Variants in ULK4 observed in about 807,000 individuals in gnomAD.
ULK4 encodes unc-51 like kinase 4.
Under a neutral mutation model 160.6 loss-of-function variants are expected in ULK4, and 133 were observed. That is an observed-to-expected ratio of 0.83 (90% CI 0.72 to 0.96). The LOEUF (loss-of-function observed/expected upper bound fraction) is 0.96, where lower values mean the gene tolerates loss of function less well. Among genes scored for constraint, ULK4 ranks in the 40% least tolerant of loss-of-function variants. ULK4 has a pLI of 0.00. For missense variants in ULK4, 1,580 were observed against 1,499.5 expected, an observed-to-expected ratio of 1.05 and a Z score of -0.89; for synonymous variants, 534 against 539.8, an observed-to-expected ratio of 0.99 and a Z score of 0.15.
At chr3:41,395,555 C>T (rs2082041458) in intron 35 of ULK4, among the ~76,000 whole-genome samples, 1 of 151,970 alleles carries the variant, frequency 6.6e-6, no homozygotes, top group African/African-American at 2.4e-5. Flanking sequence ...TCCACTCGTA[C>T]GAGGTACCTA....
At chr3:41,545,248 G>A (rs2086820309) in intron 32 of ULK4, among the ~76,000 whole-genome samples, 1 of 151,898 alleles carries the variant, frequency 6.6e-6, no homozygotes, top group Non-Finnish European at 1.5e-5. Flanking sequence ...CATTTCTTAC[G>A]GCAAATTCGA....
intron 22 of ULK4, among the ~76,000 whole-genome samples, chr3:41,729,600 C>T (rs1472371083): frequency 6.6e-6 from 1 of 152,212 alleles, no homozygotes; most frequent in South Asian, 2.1e-4. Context: ...AGGAACAAGG[C>T]CTGATTCATC....
intron 34 of ULK4, among the ~76,000 whole-genome samples, chr3:41,444,220 A>G (rs374679951): frequency 2.0e-5 from 3 of 152,016 alleles, no homozygotes; most frequent in East Asian, 1.9e-4. Flanking sequence ...TTCTCATTTA[A>G]TTTTCCCTTA....
intron 32 of ULK4, among the ~76,000 whole-genome samples, chr3:41,539,077 CTG>C (rs1450269512): frequency 7.5e-6 from 1 of 133,500 alleles, no homozygotes; most frequent in Non-Finnish European, 1.6e-5. Flanking sequence ...TATGGTTTGT[CTG>C]TGAGTTTTTA....
At chr3:41,278,956 T>C (rs1300838129) in intron 35 of ULK4, among the ~76,000 whole-genome samples, 1 of 152,098 alleles carries the variant, frequency 6.6e-6, no homozygotes, top group East Asian at 1.9e-4. Flanking sequence ...GTTTGACAAG[T>C]TGACAGAAGT....
chr3:41,378,777 TAATA>T (rs2081576977), intron 35 of ULK4, among the ~76,000 whole-genome samples: 2 of 150,748 alleles, frequency 1.3e-5, no homozygotes, highest in Non-Finnish European at 3.0e-5. Context: ...ACTTAAAGTA[TAATA>T]AATAAAATAA....
chr3:41,931,949 C>T lies in ULK4; in HGVS notation c.436G>A (p.Glu146Lys), dbSNP rs774243551. Reference sequence around the variant, plus strand: ...AAGAACTCTTCCAAATTTTCACCTTCCACTTTTGCCAAGCAAAAGTTGCTA... The same window carrying T: ...AAGAACTCTTCCAAATTTTCACCTTTCACTTTTGCCAAGCAAAAGTTGCTA... ...KFSNFCLAKV[E>K]GENLEEFFAL... The change falls in exon 5 of 37, where the codon GAA (glutamate) becomes AAA (lysine). Residue 146 changes from glutamate to lysine, a missense_variant. Glu to Lys is a moderately conservative substitution (Grantham distance 56). Coordinates refer to ENST00000301831, the MANE Select transcript of ULK4 (RefSeq NM_017886.4). 6.2e-7 allele frequency: 1 copy of T among 1,614,080 alleles called. No homozygotes were observed. Among genetic ancestry groups the T allele is most frequent in the South Asian group, 1.1e-5 (1 of 91,068 alleles).
intron 27 of ULK4, among the ~76,000 whole-genome samples, chr3:41,686,246 C>T (rs2036096942): frequency 6.6e-6 from 1 of 151,946 alleles, no homozygotes; most frequent in Non-Finnish European, 1.5e-5. Context: ...TTAATAGCTA[C>T]TAAGGGCTAG....
intron 35 of ULK4, among the ~76,000 whole-genome samples, chr3:41,336,560 C>T (rs1002859051): frequency 6.6e-6 from 1 of 152,206 alleles, no homozygotes; most frequent in Non-Finnish European, 1.5e-5. Flanking sequence ...CTTGCTGGTA[C>T]AGGCAGGCAT....
intron 34 of ULK4, among the ~76,000 whole-genome samples, chr3:41,414,269 C>T (rs1236175898): frequency 1.3e-5 from 2 of 152,154 alleles, no homozygotes; most frequent in African/African-American, 4.8e-5. Context: ...TTCTGTCAAA[C>T]CTAACTTTAT....
chr3:41,393,290 A>G (rs2081992817), intron 35 of ULK4, among the ~76,000 whole-genome samples: 1 of 152,184 alleles, frequency 6.6e-6, no homozygotes, highest in Non-Finnish European at 1.5e-5. Flanking sequence ...AGATGCTGCC[A>G]GCAGCCGTTT....
intron 35 of ULK4, among the ~76,000 whole-genome samples, chr3:41,374,203 G>C (rs545238681): frequency 2.0e-5 from 3 of 152,282 alleles, no homozygotes; most frequent in African/African-American, 2.4e-5. Context: ...AATTCTACCA[G>C]AGGTGCAAAG....
At chr3:41,864,815 G>C (rs1001262332) in intron 17 of ULK4, among the ~76,000 whole-genome samples, 2 of 152,048 alleles carry the variant, frequency 1.3e-5, no homozygotes, top group East Asian at 3.9e-4. Context: ...TCTGATCTAA[G>C]ACCAATTACC....
At chr3:41,703,836 A>ACG (rs1559496339) in intron 27 of ULK4, among the ~76,000 whole-genome samples, 3 of 13,480 alleles carry the variant, frequency 2.2e-4, no homozygotes, top group East Asian at 8.9e-3. Flanking sequence ...ATGCGCATGC[A>ACG]CACACACACA....
At chr3:41,877,722 C>G (rs901489007) in intron 17 of ULK4, among the ~76,000 whole-genome samples, 6 of 152,050 alleles carry the variant, frequency 3.9e-5, no homozygotes, top group African/African-American at 1.4e-4. Context: ...TGGCTCACCG[C>G]TATAATCCCA....
chr3:41,816,593 T>C (rs552217993), intron 19 of ULK4, among the ~76,000 whole-genome samples: 4 of 152,210 alleles, frequency 2.6e-5, no homozygotes, highest in South Asian at 2.1e-4. Context: ...GGGAGGTGGA[T>C]TCCTAGAGCC....
chr3:41,566,036 A>T lies in ULK4; in HGVS notation c.3215T>A (p.Leu1072His), dbSNP rs761393122. The T allele has an allele frequency of 3.7e-6, 6 of 1,613,654 alleles. No individual in the cohort carries two copies. Among genetic ancestry groups the T allele is most frequent in the Non-Finnish European group, 5.1e-6 (6 of 1,179,724 alleles). The change falls in exon 32 of 37, where the codon CTT becomes CAT. Residue 1072 changes from leucine to histidine, a missense_variant. Transcript: ENST00000301831. ...VACKDSNMELLYEQGLVSHIC... is the reference protein window; with the variant it reads ...VACKDSNMELHYEQGLVSHIC... ...TATGAGGCATTTACCTTGTTCATAAAGTAGTTCCATATTCGAATCTTTGCA... is the reference window on the plus strand; with the variant it reads ...TATGAGGCATTTACCTTGTTCATAATGTAGTTCCATATTCGAATCTTTGCA...
At chr3:41,458,081 T>C (rs1057386756) in intron 33 of ULK4, among the ~76,000 whole-genome samples, 13 of 152,178 alleles carry the variant, frequency 8.5e-5, no homozygotes, top group African/African-American at 3.1e-4. Flanking sequence ...CAGGGCTTGC[T>C]GGCAGGGAAA....
chr3:41,691,214 C>T (rs2036285921), intron 27 of ULK4, among the ~76,000 whole-genome samples: 1 of 151,912 alleles, frequency 6.6e-6, no homozygotes, highest in Non-Finnish European at 1.5e-5. Context: ...CCAGTAAACA[C>T]AGTGCACATG....
Sources: gnomAD v4.1 joint callset for allele counts (sites outside exome capture counted in the v4.1 genomes callset) on GRCh38, gnomAD v4.1.1 for gene constraint, MANE v1.5 for transcripts, NCBI Gene and HGNC (gene_info 2026-07-23, HGNC 2026-07-21) for gene names.